The following FYN variants were observed in gnomAD, a reference collection of about 807,000 sequenced individuals.
FYN encodes FYN proto-oncogene, Src family tyrosine kinase, also known as tyrosine-protein kinase Fyn.
FYN carries 10 observed loss-of-function variants against 70.2 expected under a neutral mutation model. The ratio of observed to expected loss-of-function variants is 0.14; its 90% CI spans 0.09 to 0.24. FYN has a LOEUF of 0.24. Among genes scored for constraint, FYN ranks in the 10% least tolerant of loss-of-function variants. FYN has a pLI of 1.00. For missense variants in FYN, 319 were observed against 673.1 expected (o/e 0.47, Z 5.82); for synonymous variants, 236 against 248.6 (o/e 0.95, Z 0.48).
At chr6:111,666,467 C>A (rs993522019) in intron 13 of FYN, among the ~76,000 whole-genome samples, 29 of 152,244 alleles carry the variant, frequency 1.9e-4, no homozygotes, top group African/African-American at 7.0e-4. Flanking sequence ...TCTAGCCTCA[C>A]GGGAGCCACC....
chr6:111,861,516 A>T (rs1052245185), intron 1 of FYN, among the ~76,000 whole-genome samples: 1 of 152,152 alleles, frequency 6.6e-6, no homozygotes, highest in African/African-American at 2.4e-5. Flanking sequence ...CTTCTCGAAG[A>T]TCACAATAGC....
At chr6:111,835,471 G>A (rs1030258186) in intron 2 of FYN, among the ~76,000 whole-genome samples, 2 of 152,204 alleles carry the variant, frequency 1.3e-5, no homozygotes, top group South Asian at 2.1e-4. Context: ...TTACTTCTGC[G>A]CAGAGGGGTG....
intron 1 of FYN, among the ~76,000 whole-genome samples, chr6:111,867,329 C>A (rs981621045): frequency 7.2e-5 from 11 of 151,826 alleles, no homozygotes; most frequent in African/African-American, 2.7e-4. Flanking sequence ...GCGTTGGGTG[C>A]CTGTAATCCC....
chr6:111,864,558 T>G (rs1330867552), intron 1 of FYN, among the ~76,000 whole-genome samples: 2 of 122,270 alleles, frequency 1.6e-5, no homozygotes, highest in African/African-American at 1.1e-4. Context: ...CAGGCTATGA[T>G]GAGGATGATG....
chr6:111,820,376 G>A (rs570280585), intron 2 of FYN, among the ~76,000 whole-genome samples: 26 of 152,148 alleles, frequency 1.7e-4, no homozygotes, highest in African/African-American at 5.5e-4. Flanking sequence ...GAAACAACTA[G>A]CCAATATTTC....
intron 2 of FYN, among the ~76,000 whole-genome samples, chr6:111,836,492 C>T (rs1048112343): frequency 1.1e-4 from 16 of 152,040 alleles, no homozygotes; most frequent in East Asian, 1.9e-4. Context: ...AGGCTGTGCG[C>T]GGTGGTTCAT....
intron 2 of FYN, among the ~76,000 whole-genome samples, chr6:111,840,503 A>G (rs77948640): frequency 0.023 from 3,560 of 152,246 alleles, 153 homozygotes; most frequent in African/African-American, 0.079. Context: ...ACACCTTGCT[A>G]TTGGACTTCT....
At chr6:111,829,854 G>A (rs748687069) in intron 2 of FYN, among the ~76,000 whole-genome samples, 19 of 152,158 alleles carry the variant, frequency 1.2e-4, no homozygotes, top group Admixed American at 7.9e-4. Flanking sequence ...TGCCTGGCTT[G>A]GTGCTAGGAT....
At chr6:111,789,097 G>A (rs1771509685) in intron 2 of FYN, among the ~76,000 whole-genome samples, 1 of 152,236 alleles carries the variant, frequency 6.6e-6, no homozygotes, top group Non-Finnish European at 1.5e-5. Flanking sequence ...CATGGAAGGT[G>A]CTCAGCCAGC....
intron 3 of FYN, among the ~76,000 whole-genome samples, chr6:111,757,195 G>A (rs1353167040): frequency 6.6e-6 from 1 of 152,058 alleles, no homozygotes; most frequent in Non-Finnish European, 1.5e-5. Flanking sequence ...TTCTATCCAC[G>A]AGCAACAGTA....
At chr6:111,726,310 G>T (rs1367578057) in intron 3 of FYN, among the ~76,000 whole-genome samples, 1 of 152,152 alleles carries the variant, frequency 6.6e-6, no homozygotes, top group African/African-American at 2.4e-5. Context: ...TGGTGGGATG[G>T]GCACCATGGG....
chr6:111,798,640 C>G (rs1771892812), intron 2 of FYN, among the ~76,000 whole-genome samples: 2 of 151,722 alleles, frequency 1.3e-5, no homozygotes, highest in African/African-American at 4.9e-5. Context: ...CTCAATTCTC[C>G]CACCTCATCT....
At chr6:111,773,512 A>G (rs1242081102) in intron 3 of FYN, among the ~76,000 whole-genome samples, 2 of 53,594 alleles carry the variant, frequency 3.7e-5, no homozygotes, top group South Asian at 1.3e-3. Context: ...GGGGAGGGAG[A>G]GCGGGTGAGA....
rs1799465143 is a variant in FYN, at chr6:111,694,010, T to C, written c.1273+365A>G. On this transcript the variant is annotated intron_variant, in intron 12 of 13. Coordinates refer to ENST00000354650, the MANE Select transcript of FYN (RefSeq NM_002037.5). This position sits in a 1 kb window ranked among gnomAD's most constrained non-coding sequence, Gnocchi z 5.0. ...TGTTGGCTTTCTGAAACCCTGCCTG[T>C]GCCTTTGTAAAAAACACAGGCATGT... 3.3e-5 allele frequency among the ~76,000 whole-genome samples: 5 copies of C among 152,188 alleles called. No homozygotes were observed. In the South Asian group the frequency reaches 1.0e-3, roughly 31 times the overall value.
intron 13 of FYN, among the ~76,000 whole-genome samples, chr6:111,669,438 C>CAAAAAAAAAAAAAA (rs10690295): frequency 1.8e-5 from 1 of 56,868 alleles, no homozygotes; most frequent in African/African-American, 6.5e-5. Flanking sequence ...CCATCCATCT[C>CAAAAAAAAAAAAAA]AAAAAAAAAA....
At chr6:111,683,359 G>A (rs1391339814) in intron 12 of FYN, among the ~76,000 whole-genome samples, 1 of 152,222 alleles carries the variant, frequency 6.6e-6, no homozygotes, top group Non-Finnish European at 1.5e-5. Flanking sequence ...AGGCCTGGGT[G>A]GGCCCAGCTC....
intron 3 of FYN, among the ~76,000 whole-genome samples, chr6:111,737,266 T>A (rs1801749557): frequency 6.6e-6 from 1 of 152,214 alleles, no homozygotes; most frequent in Non-Finnish European, 1.5e-5. Flanking sequence ...TGCCAATATC[T>A]ACCTAGAGAT....
chr6:111,694,725 C>A lies in FYN; in HGVS notation c.1043-21G>T. ...ACTTCCTATGAACAAAACATAAAAT[C>A]ATTTCAATTTACTTTGAAAGATAAT... On this transcript the variant is annotated intron_variant, in intron 10 of 13. Transcript: ENST00000354650. The surrounding 1 kb of genome is among the most constrained non-coding windows in gnomAD (Gnocchi z 5.0). 1 of 1,582,832 alleles carries A rather than the reference C, an allele frequency of 6.3e-7. No individual in the cohort carries two copies. The highest frequency in any genetic ancestry group is 1.1e-5 in the South Asian group (1 of 88,704).
intron 1 of FYN, among the ~76,000 whole-genome samples, chr6:111,858,822 A>G (rs1463274287): frequency 1.3e-5 from 2 of 151,232 alleles, no homozygotes; most frequent in Admixed American, 1.3e-4. Flanking sequence ...CAGAGGTCCC[A>G]GAACACTTAC....
Sources: gnomAD v4.1 joint callset for allele counts (sites outside exome capture counted in the v4.1 genomes callset) on GRCh38, gnomAD v4.1.1 for gene constraint, Gnocchi (gnomAD v3.1) non-coding constraint, MANE v1.5 for transcripts, NCBI Gene and HGNC (gene_info 2026-07-23, HGNC 2026-07-21) for gene names.